Variants in DCUN1D4 observed in about 807,000 individuals in gnomAD.
DCUN1D4 encodes the protein DCN1-like protein 4.
A neutral mutation model predicts 47.9 loss-of-function variants in DCUN1D4; 22 were observed. The ratio of observed to expected loss-of-function variants is 0.46; its 90% CI spans 0.33 to 0.66. DCUN1D4 has a LOEUF of 0.66. Ranked by LOEUF, DCUN1D4 falls within the 30% of genes least tolerant of loss-of-function variation. DCUN1D4 has a pLI of 0.02. For synonymous variants in DCUN1D4, 121 were observed against 112.2 expected (o/e 1.08, Z -0.50); for missense variants, 301 against 340.8 (o/e 0.88, Z 0.92).
intron 1 of DCUN1D4, chr4:51,844,902 T>C (rs1447248627): frequency 2.0e-6 from 2 of 985,220 alleles, no homozygotes; most frequent in Non-Finnish European, 2.4e-6. Flanking sequence ...CGTGCTTTAT[T>C]CCCCGGCCAG....
At chr4:51,871,893 G>C (rs1440943578) in intron 3 of DCUN1D4, among the ~76,000 whole-genome samples, 1 of 152,204 alleles carries the variant, frequency 6.6e-6, no homozygotes, top group Non-Finnish European at 1.5e-5. Context: ...CAGGGAAGAT[G>C]AATGGGGTGT....
At chr4:51,836,609 C>T in the DCUN1D4 span, among the ~76,000 whole-genome samples, 1 of 152,102 alleles carries the variant, frequency 6.6e-6, no homozygotes, top group Non-Finnish European at 1.5e-5. Flanking sequence ...GGCTGTAACC[C>T]GGTTGTAGGG....
At chr4:51,857,791 C>T (rs778453382) in intron 1 of DCUN1D4, among the ~76,000 whole-genome samples, 2 of 152,198 alleles carry the variant, frequency 1.3e-5, no homozygotes, top group Non-Finnish European at 2.9e-5. Flanking sequence ...TGACACTTCT[C>T]ACATTTGAAG....
At chr4:51,867,694 T>C (rs1726181190) in intron 3 of DCUN1D4, among the ~76,000 whole-genome samples, 1 of 152,152 alleles carries the variant, frequency 6.6e-6, no homozygotes, top group African/African-American at 2.4e-5. Flanking sequence ...AGAAAGCACG[T>C]GCTGATTGGT....
upstream of DCUN1D4, among the ~76,000 whole-genome samples, chr4:51,838,423 C>T (rs1195422420): frequency 6.6e-6 from 1 of 152,034 alleles, no homozygotes; most frequent in Non-Finnish European, 1.5e-5. Context: ...ATTCTGTCAC[C>T]AAGGCTGGAG....
At chr4:51,902,474 A>T (rs987194413) in intron 8 of DCUN1D4, among the ~76,000 whole-genome samples, 1 of 152,210 alleles carries the variant, frequency 6.6e-6, no homozygotes. Context: ...ATGAATTAAG[A>T]CGCTTTACCA....
intron 4 of DCUN1D4, among the ~76,000 whole-genome samples, chr4:51,875,871 T>C (rs1323617323): frequency 3.9e-5 from 6 of 152,206 alleles, no homozygotes; most frequent in African/African-American, 1.4e-4. Flanking sequence ...ATTTATATAG[T>C]GTCTCCAAGT....
At chr4:51,896,419 T>C (rs992628976) in intron 7 of DCUN1D4, among the ~76,000 whole-genome samples, 1 of 152,194 alleles carries the variant, frequency 6.6e-6, no homozygotes, top group Non-Finnish European at 1.5e-5. Flanking sequence ...ACAACCGCTC[T>C]TCTTCTTCGT....
At chr4:51,908,608 ATGC>A (rs755839073) in intron 8 of DCUN1D4, among the ~76,000 whole-genome samples, 4 of 151,356 alleles carry the variant, frequency 2.6e-5, no homozygotes, top group Non-Finnish European at 4.4e-5. Flanking sequence ...TTTTTTTTAA[ATGC>A]CTATAAAGTT....
At chr4:51,857,793 C>G (rs1724379556) in intron 1 of DCUN1D4, among the ~76,000 whole-genome samples, 1 of 152,224 alleles carries the variant, frequency 6.6e-6, no homozygotes, top group Admixed American at 6.5e-5. Flanking sequence ...ACACTTCTCA[C>G]ATTTGAAGAT....
intron 1 of DCUN1D4, 121 bp downstream of exon 1, chr4:51,843,388 G>C: frequency 7.4e-7 from 1 of 1,346,862 alleles, no homozygotes; most frequent in South Asian, 1.7e-5. Flanking sequence ...CCCTGCCTGG[G>C]AACCACCCCT....
intron 7 of DCUN1D4, among the ~76,000 whole-genome samples, chr4:51,898,761 A>G (rs1731654244): frequency 6.6e-6 from 1 of 152,212 alleles, no homozygotes; most frequent in Admixed American, 6.5e-5. Context: ...AAGAAAGAAA[A>G]AGGCAGAGAA....
intron 1 of DCUN1D4, among the ~76,000 whole-genome samples, chr4:51,853,232 A>G (rs546031575): frequency 6.6e-6 from 1 of 152,336 alleles, no homozygotes; most frequent in South Asian, 2.1e-4. Context: ...AGAGGAAGAA[A>G]AAGCCAGCAG....
At chr4:51,859,063 C>T (rs1477794520) in intron 1 of DCUN1D4, among the ~76,000 whole-genome samples, 1 of 152,164 alleles carries the variant, frequency 6.6e-6, no homozygotes, top group African/African-American at 2.4e-5. Context: ...AATCAATCTG[C>T]CAAGCTTGCC....
chr4:51,861,844 G>A (rs898755054), intron 1 of DCUN1D4, among the ~76,000 whole-genome samples: 1 of 152,212 alleles, frequency 6.6e-6, no homozygotes, highest in South Asian at 2.1e-4. Context: ...GAATGTTCAA[G>A]CTCCTCAGCA....
chr4:51,857,086 CTG>C (rs1724253114), intron 1 of DCUN1D4, among the ~76,000 whole-genome samples: 1 of 152,168 alleles, frequency 6.6e-6, no homozygotes, highest in African/African-American at 2.4e-5. Context: ...CATGTGGAAA[CTG>C]AGACCAACAG....
chr4:51,858,444 T>G (rs1046860685), intron 1 of DCUN1D4, among the ~76,000 whole-genome samples: 1 of 152,098 alleles, frequency 6.6e-6, no homozygotes, highest in African/African-American at 2.4e-5. Flanking sequence ...TTGGAGAGAT[T>G]AGCAGATGCA....
At chr4:51,889,071 T>C (rs1730008863) in intron 6 of DCUN1D4, among the ~76,000 whole-genome samples, 1 of 152,150 alleles carries the variant, frequency 6.6e-6, no homozygotes, top group Non-Finnish European at 1.5e-5. Context: ...ATCGCACCAC[T>C]GTACTTCATC....
intron 4 of DCUN1D4, among the ~76,000 whole-genome samples, chr4:51,876,186 G>A (rs1299538957): frequency 6.6e-6 from 1 of 152,102 alleles, no homozygotes; most frequent in Non-Finnish European, 1.5e-5. Flanking sequence ...AACAATGATA[G>A]ACTGGATCAA....
Sources: allele counts gnomAD v4.1 joint callset (sites outside exome capture counted in the v4.1 genomes callset), GRCh38; gene constraint gnomAD v4.1.1; transcripts MANE v1.5; gene names NCBI Gene and HGNC (gene_info 2026-07-23, HGNC 2026-07-21).